Variants in PTPRD observed in about 807,000 individuals in gnomAD.
PTPRD encodes receptor-type tyrosine-protein phosphatase delta.
PTPRD carries 34 observed loss-of-function variants against 214.5 expected under a neutral mutation model. The observed-to-expected ratio is 0.16, with a 90% CI of 0.12 to 0.21. The LOEUF (loss-of-function observed/expected upper bound fraction) is 0.21, where lower values mean the gene tolerates loss of function less well. Among genes scored for constraint, PTPRD ranks in the 10% least tolerant of loss-of-function variants. The pLI is 1.00. For synonymous variants in PTPRD, 1,128 were observed against 845.7 expected (o/e 1.33, Z -5.79); for missense variants, 2,545 against 2,398.7 (o/e 1.06, Z -1.27).
intron 7 of PTPRD, among the ~76,000 whole-genome samples, chr9:9,636,517 T>C (rs2095773854): frequency 6.6e-6 from 1 of 152,186 alleles, no homozygotes; most frequent in Non-Finnish European, 1.5e-5. Context: ...GAGCCTCAAC[T>C]TGGTCAATGA....
intron 9 of PTPRD, among the ~76,000 whole-genome samples, chr9:9,387,049 A>G (rs1321356112): frequency 6.6e-6 from 1 of 152,188 alleles, no homozygotes; most frequent in African/African-American, 2.4e-5. Flanking sequence ...TGCAGGTGCT[A>G]AGGTTGATTA....
chr9:9,236,178 A>G (rs1156497581), intron 9 of PTPRD, among the ~76,000 whole-genome samples: 1 of 152,076 alleles, frequency 6.6e-6, no homozygotes, highest in Non-Finnish European at 1.5e-5. Flanking sequence ...GCTTGAATCC[A>G]GGAGGTGGAG....
intron 14 of PTPRD, among the ~76,000 whole-genome samples, chr9:8,574,745 C>T (rs1436816092): frequency 6.6e-6 from 1 of 152,110 alleles, no homozygotes; most frequent in African/African-American, 2.4e-5. Flanking sequence ...TTCATTCCTC[C>T]CCCTGAGCTA....
At chr9:8,950,600 C>A (rs540208903) in intron 11 of PTPRD, among the ~76,000 whole-genome samples, 1 of 151,716 alleles carries the variant, frequency 6.6e-6, no homozygotes, top group African/African-American at 2.4e-5. Context: ...ACATTGTATA[C>A]AATAATATAT....
chr9:9,087,833 T>G (rs950983460), intron 10 of PTPRD, among the ~76,000 whole-genome samples: 1 of 147,996 alleles, frequency 6.8e-6, no homozygotes, highest in Non-Finnish European at 1.5e-5. Context: ...TCGCTTGATG[T>G]CAAATAGAAC....
intron 11 of PTPRD, among the ~76,000 whole-genome samples, chr9:8,764,140 A>G (rs1056336837): frequency 1.9e-4 from 29 of 152,212 alleles, no homozygotes; most frequent in Non-Finnish European, 3.7e-4. Context: ...GACTGCAGTT[A>G]AGTCTCAGTC....
chr9:8,591,725 G>A (rs889138430), intron 14 of PTPRD, among the ~76,000 whole-genome samples: 15 of 152,094 alleles, frequency 9.9e-5, no homozygotes, highest in African/African-American at 3.4e-4. Flanking sequence ...AGCCTAGAGA[G>A]CAAACCAAAC....
chr9:9,352,835 A>G (rs948385534), intron 9 of PTPRD, among the ~76,000 whole-genome samples: 2 of 151,996 alleles, frequency 1.3e-5, no homozygotes, highest in Non-Finnish European at 2.9e-5. Context: ...GAATTGAGAA[A>G]AAGTCATGCA....
intron 14 of PTPRD, among the ~76,000 whole-genome samples, chr9:8,615,063 C>T (rs2095565934): frequency 6.6e-6 from 1 of 152,076 alleles, no homozygotes; most frequent in Admixed American, 6.6e-5. Context: ...CACTGCCAAC[C>T]TGCTTTGATA....
intron 3 of PTPRD, among the ~76,000 whole-genome samples, chr9:10,098,817 C>T (rs2154210716): frequency 6.6e-6 from 1 of 151,886 alleles, no homozygotes; most frequent in East Asian, 2.0e-4. Context: ...AGGTGGTTAA[C>T]TGCGGTACTG....
chr9:8,428,301 G>T (rs933832985), intron 35 of PTPRD, among the ~76,000 whole-genome samples: 5 of 152,124 alleles, frequency 3.3e-5, no homozygotes, highest in Admixed American at 2.6e-4. Flanking sequence ...TCCAATCCCA[G>T]TGTATTAGGA....
chr9:9,339,511 C>T (rs368569497), intron 9 of PTPRD, among the ~76,000 whole-genome samples: 19 of 151,986 alleles, frequency 1.3e-4, no homozygotes, highest in East Asian at 1.9e-4. Context: ...GTTAAGTTGA[C>T]GAATATCACT....
At chr9:9,375,155 A>C (rs1012280476) in intron 9 of PTPRD, among the ~76,000 whole-genome samples, 3 of 152,192 alleles carry the variant, frequency 2.0e-5, no homozygotes, top group African/African-American at 7.2e-5. Context: ...TTAATATCAT[A>C]AATTTTCTAC....
chr9:8,557,219 G>C (rs2084116379), intron 14 of PTPRD, among the ~76,000 whole-genome samples: 1 of 151,846 alleles, frequency 6.6e-6, no homozygotes, highest in Admixed American at 6.6e-5. Flanking sequence ...TGAATACATT[G>C]AAGATTACTC....
intron 5 of PTPRD, among the ~76,000 whole-genome samples, chr9:9,808,233 T>C (rs1249896189): frequency 6.6e-6 from 1 of 152,206 alleles, no homozygotes. Context: ...TATAGAGCTT[T>C]GGTCTGATGA....
intron 11 of PTPRD, among the ~76,000 whole-genome samples, chr9:8,812,461 T>C (rs2096829278): frequency 3.3e-5 from 5 of 152,214 alleles, no homozygotes; most frequent in Admixed American, 3.3e-4. Flanking sequence ...ATCCATCAAT[T>C]CCCACTTATT....
At chr9:9,427,929 G>T (rs924006655) in intron 8 of PTPRD, among the ~76,000 whole-genome samples, 1 of 152,120 alleles carries the variant, frequency 6.6e-6, no homozygotes, top group African/African-American at 2.4e-5. Flanking sequence ...ACGTGGAAAG[G>T]AACAACCGTT....
intron 9 of PTPRD, among the ~76,000 whole-genome samples, chr9:9,321,387 C>G (rs1027988645): frequency 5.3e-5 from 8 of 151,972 alleles, no homozygotes; most frequent in Non-Finnish European, 1.2e-4. Context: ...GAAACCCCAT[C>G]TCTACCAGAA....
chr9:10,199,696 C>T (rs2099411863), intron 3 of PTPRD, among the ~76,000 whole-genome samples: 1 of 151,912 alleles, frequency 6.6e-6, no homozygotes, highest in African/African-American at 2.4e-5. Flanking sequence ...CCTTAAGACA[C>T]AAAACCAGGA....
Sources: allele counts gnomAD v4.1 joint callset (sites outside exome capture counted in the v4.1 genomes callset), GRCh38; gene constraint gnomAD v4.1.1; transcripts MANE v1.5; gene names NCBI Gene and HGNC (gene_info 2026-07-23, HGNC 2026-07-21).